ANTXR1: variants seen among roughly 807,000 people sequenced by gnomAD.
ANTXR1 encodes the protein ANTXR cell adhesion molecule 1, also known as anthrax toxin receptor 1.
ANTXR1 carries 19 observed loss-of-function variants against 78.1 expected under a neutral mutation model. The observed-to-expected ratio is 0.24, with a 90% CI of 0.17 to 0.36. The LOEUF is 0.36. Among genes scored for constraint, ANTXR1 ranks in the 10% least tolerant of loss-of-function variants. The pLI, the probability that ANTXR1 is intolerant of heterozygous loss-of-function variation, is 1.00. For synonymous variants in ANTXR1, 273 were observed against 260.5 expected, an observed-to-expected ratio of 1.05 and a Z score of -0.46; for missense variants, 518 against 718.6, an observed-to-expected ratio of 0.72 and a Z score of 3.19.
chr2:69,094,239 G>A (rs572947980), intron 9 of ANTXR1, among the ~76,000 whole-genome samples: 2 of 152,316 alleles, frequency 1.3e-5, no homozygotes, highest in East Asian at 3.9e-4. Flanking sequence ...AAATTGTTAT[G>A]CAGAACAAGA....
In ANTXR1 at chr2:69,063,106, T is replaced by C. The variant is rs569772915; in HGVS notation, c.297-7541T>C. ...ACCAGTCCTGTGACTTATGGGAGAATATCAAGTGATCTATACTACTTGATA... is the reference window on the plus strand; with the variant it reads ...ACCAGTCCTGTGACTTATGGGAGAACATCAAGTGATCTATACTACTTGATA... On this transcript the variant is annotated intron_variant, in intron 3 of 17. Coordinates refer to ENST00000303714, the MANE Select transcript of ANTXR1 (RefSeq NM_032208.3). 1.0e-3 allele frequency among the ~76,000 whole-genome samples: 159 copies of C among 152,212 alleles called. 1 individual carries two copies. Among genetic ancestry groups the C allele is most frequent in the Non-Finnish European group, 2.0e-3 (135 of 68,014 alleles).
chr2:69,206,791 C>T (rs930766407), intron 17 of ANTXR1, among the ~76,000 whole-genome samples: 4 of 152,202 alleles, frequency 2.6e-5, no homozygotes, highest in South Asian at 2.1e-4. Flanking sequence ...CACAGCACCT[C>T]ATCAGCTGCA....
chr2:69,130,860 T>C (rs1299148673), intron 12 of ANTXR1, among the ~76,000 whole-genome samples: 2 of 152,156 alleles, frequency 1.3e-5, no homozygotes, highest in Non-Finnish European at 2.9e-5. Context: ...GGAAAAAATC[T>C]TTGAAGATGT....
chr2:69,186,493 G>A (rs996400259), intron 16 of ANTXR1, among the ~76,000 whole-genome samples: 61 of 152,340 alleles, frequency 4.0e-4, no homozygotes, highest in African/African-American at 1.4e-3. Context: ...GGTCCTAATA[G>A]GAAACAGAAA....
chr2:69,148,247 G>A (rs1447323533), intron 12 of ANTXR1, among the ~76,000 whole-genome samples: 2 of 152,094 alleles, frequency 1.3e-5, no homozygotes, highest in African/African-American at 2.4e-5. Flanking sequence ...CTTTCCACCC[G>A]CACTCATGCT....
chr2:69,215,060 T>C (rs1267425525), intron 17 of ANTXR1, among the ~76,000 whole-genome samples: 2 of 152,308 alleles, frequency 1.3e-5, no homozygotes, highest in East Asian at 3.9e-4. Flanking sequence ...ACAGGACGCA[T>C]GGATGGGCGA....
At chr2:69,103,153 C>T in intron 10 of ANTXR1, 1 of 600,180 alleles carries the variant, frequency 1.7e-6, no homozygotes. Flanking sequence ...GGGTGTCCAG[C>T]TTGGTAAGCA....
At chr2:69,222,973 A>G (rs558412593) in intron 17 of ANTXR1, among the ~76,000 whole-genome samples, 1 of 152,328 alleles carries the variant, frequency 6.6e-6, no homozygotes, top group African/African-American at 2.4e-5. Flanking sequence ...TTATTTATTT[A>G]AAGAATGCAC....
At chr2:69,240,474 C>T (rs561988714) in intron 17 of ANTXR1, among the ~76,000 whole-genome samples, 1 of 152,240 alleles carries the variant, frequency 6.6e-6, no homozygotes, top group East Asian at 1.9e-4. Context: ...GCACCAGATC[C>T]CAAAGGGCTG....
chr2:69,083,059 C>T (rs1207980037), intron 8 of ANTXR1, among the ~76,000 whole-genome samples: 1 of 152,164 alleles, frequency 6.6e-6, no homozygotes, highest in Non-Finnish European at 1.5e-5. Context: ...TTTATGAAAA[C>T]CAGATCCTGT....
chr2:69,178,753 A>T (rs531941533), intron 14 of ANTXR1, among the ~76,000 whole-genome samples: 166 of 152,306 alleles, frequency 1.1e-3, no homozygotes, highest in African/African-American at 3.8e-3. Context: ...ATAGGGGGAG[A>T]AAAACCCCTG....
chr2:69,065,318 A>C (rs1483326307), intron 3 of ANTXR1, among the ~76,000 whole-genome samples: 1 of 150,646 alleles, frequency 6.6e-6, no homozygotes, highest in African/African-American at 2.5e-5. Context: ...CCAGCTACTC[A>C]GGAGGCTGAG....
chr2:69,022,874 G>A (rs927858788), intron 1 of ANTXR1, among the ~76,000 whole-genome samples: 12 of 152,208 alleles, frequency 7.9e-5, no homozygotes, highest in South Asian at 2.1e-4. Flanking sequence ...CAATATGAAG[G>A]CAGAAGAGCA....
At chr2:69,112,342 A>T (rs12713672) in intron 10 of ANTXR1, among the ~76,000 whole-genome samples, 57,772 of 151,874 alleles carry the variant, frequency 0.38, 11,467 homozygotes, top group East Asian at 0.49. Flanking sequence ...CAGGGGTGGA[A>T]AGGACTTGAA....
intron 1 of ANTXR1, among the ~76,000 whole-genome samples, chr2:69,017,897 A>G (rs1237982292): frequency 1.3e-5 from 2 of 151,982 alleles, no homozygotes; most frequent in African/African-American, 4.8e-5. Flanking sequence ...TCCCTCTCTC[A>G]CAGCACCCCC....
intron 12 of ANTXR1, among the ~76,000 whole-genome samples, chr2:69,126,677 T>C (rs1437991179): frequency 6.6e-6 from 1 of 151,610 alleles, no homozygotes; most frequent in Non-Finnish European, 1.5e-5. Flanking sequence ...AGGACTAAAC[T>C]TGTGGTATGG....
intron 16 of ANTXR1, among the ~76,000 whole-genome samples, chr2:69,188,886 T>C (rs1390512077): frequency 6.6e-6 from 1 of 152,246 alleles, no homozygotes; most frequent in African/African-American, 2.4e-5. Context: ...AGGGTTGTTA[T>C]TAACGAGCCC....
intron 17 of ANTXR1, among the ~76,000 whole-genome samples, chr2:69,217,661 T>C (rs1017102945): frequency 2.0e-5 from 3 of 152,184 alleles, no homozygotes; most frequent in Non-Finnish European, 2.9e-5. Flanking sequence ...ATCAGCATTG[T>C]TATTATTAAA....
intron 13 of ANTXR1, among the ~76,000 whole-genome samples, chr2:69,168,444 C>A (rs1044824729): frequency 2.0e-5 from 3 of 152,218 alleles, no homozygotes; most frequent in Admixed American, 1.3e-4. Flanking sequence ...TCACATATAA[C>A]ATCTATGCTG....
Sources: allele counts gnomAD v4.1 joint callset (sites outside exome capture counted in the v4.1 genomes callset), GRCh38; gene constraint gnomAD v4.1.1; transcripts MANE v1.5; gene names NCBI Gene and HGNC (gene_info 2026-07-23, HGNC 2026-07-21).